The following HMCN1 variants were observed in gnomAD, a reference collection of about 807,000 sequenced individuals.
The protein encoded by HMCN1 is hemicentin-1.
HMCN1 carries 321 observed loss-of-function variants against 625.9 expected under a neutral mutation model. That is an observed-to-expected ratio of 0.51 (90% CI 0.47 to 0.56). The LOEUF is 0.56. HMCN1 is among the 20% of genes least tolerant of loss of function. The pLI is 0.00. For missense variants in HMCN1, 6,588 were observed against 6,887.3 expected (o/e 0.96, Z 1.54); for synonymous variants, 2,425 against 2,417.6 (o/e 1.00, Z -0.09).
At chr1:185,885,161 T>G (rs1344502670) in intron 4 of HMCN1, among the ~76,000 whole-genome samples, 1 of 151,640 alleles carries the variant, frequency 6.6e-6, no homozygotes, top group Non-Finnish European at 1.5e-5. Context: ...GCAAAAGTTA[T>G]TAAAGGAATT....
Position 186,159,166 on chromosome 1 carries a change from C to T in HMCN1, c.15256+5179C>T, listed in dbSNP as rs898063555. On this transcript the variant is annotated intron_variant, in intron 97 of 106. Transcript: ENST00000271588. ...CTTCACATCCCTTGTAAGTTGGATT[C>T]CTAGGTATTTTATTCTCTTTGAAGC... Among the ~76,000 whole-genome samples the T allele has an allele frequency of 1.6e-4, 24 of 151,804 alleles. No homozygotes were observed. In the South Asian group the frequency reaches 1.7e-3, roughly 11 times the overall value.
At chr1:186,072,756 G>A (rs1658552077) in intron 52 of HMCN1, among the ~76,000 whole-genome samples, 2 of 152,222 alleles carry the variant, frequency 1.3e-5, no homozygotes, top group East Asian at 1.9e-4. Flanking sequence ...AGGCATTTGG[G>A]CTGAAGTGCA....
intron 25 of HMCN1, 111 bp from the exon 26 acceptor site, chr1:185,999,934 A>G (rs1044927099): frequency 5.5e-6 from 4 of 731,778 alleles, no homozygotes; most frequent in African/African-American, 5.3e-5. Context: ...ATAGGACCTA[A>G]GGTTATAAAT....
rs755158206 is a variant in HMCN1, at chr1:186,174,495, A to C, written c.15815-19A>C. 9.9e-6 allele frequency: 16 copies of C among 1,613,304 alleles called. No individual in the cohort carries two copies. Among genetic ancestry groups the C allele is most frequent in the Non-Finnish European group, 1.4e-5 (16 of 1,179,550 alleles). ...TTTGAAAGAGGAAATGTTACTTCTC[A>C]TTGCCTCCATGTCTGTAGATATTGA... is the stretch of plus-strand genomic sequence containing the variant. On this transcript the variant is annotated intron_variant, in intron 102 of 106. Coordinates refer to ENST00000271588, the MANE Select transcript of HMCN1 (RefSeq NM_031935.3).
intron 53 of HMCN1, among the ~76,000 whole-genome samples, chr1:186,075,719 C>A (rs1658773020): frequency 6.6e-6 from 1 of 152,022 alleles, no homozygotes; most frequent in South Asian, 2.1e-4. Flanking sequence ...TTTATTTAAC[C>A]AGACTTCTAT....
At chr1:185,999,071 T>C (rs1653000386) in intron 25 of HMCN1, among the ~76,000 whole-genome samples, 1 of 152,028 alleles carries the variant, frequency 6.6e-6, no homozygotes, top group African/African-American at 2.4e-5. Flanking sequence ...TGTTTAAGCC[T>C]TTAACTCAAT....
intron 72 of HMCN1, among the ~76,000 whole-genome samples, chr1:186,113,665 TA>T (rs1327017203): frequency 6.6e-6 from 1 of 152,226 alleles, no homozygotes; most frequent in Non-Finnish European, 1.5e-5. Flanking sequence ...CAAAGAGAAA[TA>T]AGAAATATCA....
At chr1:186,007,397 T>A in intron 30 of HMCN1, 115 bp downstream of exon 30, 2 of 931,842 alleles carry the variant, frequency 2.1e-6, no homozygotes, top group East Asian at 5.0e-5. Flanking sequence ...TACTACATAC[T>A]TCAAGAGAAG....
At chr1:186,148,590 C>T (rs905630912) in intron 93 of HMCN1, among the ~76,000 whole-genome samples, 1 of 152,074 alleles carries the variant, frequency 6.6e-6, no homozygotes. Flanking sequence ...CTCACTGCAA[C>T]CTCTGGCTCC....
intron 20 of HMCN1, among the ~76,000 whole-genome samples, chr1:185,989,005 C>CT (rs569764243): frequency 0.3 from 34,695 of 117,500 alleles, 7,361 homozygotes; most frequent in African/African-American, 0.55. Flanking sequence ...ACTTTTAGTA[C>CT]TTTTTTTTTT....
intron 1 of HMCN1, among the ~76,000 whole-genome samples, chr1:185,837,005 GGT>G (rs60299246): frequency 9.7e-4 from 139 of 142,854 alleles, no homozygotes; most frequent in East Asian, 7.9e-3. Flanking sequence ...TATATTCCAT[GGT>G]GTGTGTGTGT....
chr1:185,967,069 A>G (rs1650457446), intron 14 of HMCN1, among the ~76,000 whole-genome samples: 1 of 152,160 alleles, frequency 6.6e-6, no homozygotes, highest in Non-Finnish European at 1.5e-5. Context: ...TGAATTGCCA[A>G]AGAAATCAGT....
intron 36 of HMCN1, among the ~76,000 whole-genome samples, chr1:186,031,186 G>T (rs781647332): frequency 6.6e-6 from 1 of 151,868 alleles, no homozygotes; most frequent in Non-Finnish European, 1.5e-5. Flanking sequence ...TAGAACAGGG[G>T]TCTAGCAATG....
chr1:185,933,302 A>AT (rs1315115454), intron 10 of HMCN1, among the ~76,000 whole-genome samples: 3 of 152,132 alleles, frequency 2.0e-5, no homozygotes, highest in African/African-American at 7.2e-5. Flanking sequence ...TTTGACTCTC[A>AT]TGTCTATAAT....
chr1:185,879,021 A>T (rs1558034678), intron 4 of HMCN1, among the ~76,000 whole-genome samples: 2 of 152,196 alleles, frequency 1.3e-5, no homozygotes, highest in African/African-American at 4.8e-5. Context: ...TCTTGCAGTT[A>T]TCCAGGCTCA....
At chr1:185,911,611 AT>A in intron 5 of HMCN1, 62 bp from the exon 6 acceptor site, 1 of 1,155,178 alleles carries the variant, frequency 8.7e-7, no homozygotes, top group Non-Finnish European at 1.3e-6. Flanking sequence ...GTAGTGTTAA[AT>A]TAGCTAATAT....
Position 185,888,769 on chromosome 1 carries a change from T to G in HMCN1, c.622-20568T>G, listed in dbSNP as rs1221333603. Among the ~76,000 whole-genome samples, 690 of 145,354 alleles carry G rather than the reference T, an allele frequency of 4.7e-3. 11 individuals carry two copies. The highest frequency in any genetic ancestry group is 0.017 in the African/African-American group (603 of 35,856). ...ATGCCTCCAGCTTTGTTCTTTTGGC[T>G]TAGGATTGACTTGGCGATGCGGGCT... On this transcript the variant is annotated intron_variant, in intron 4 of 106. Transcript: ENST00000271588.
chr1:185,914,383 C>G (rs1315647470), intron 6 of HMCN1, among the ~76,000 whole-genome samples: 1 of 152,086 alleles, frequency 6.6e-6, no homozygotes, highest in African/African-American at 2.4e-5. Context: ...AAGGTCTGCT[C>G]TATCACTGAA....
intron 58 of HMCN1, among the ~76,000 whole-genome samples, chr1:186,086,615 C>G (rs1160176113): frequency 6.6e-6 from 1 of 152,062 alleles, no homozygotes; most frequent in Non-Finnish European, 1.5e-5. Context: ...AACAAGGTCT[C>G]CTTCAAGAAA....
Sources: allele counts gnomAD v4.1 joint callset (sites outside exome capture counted in the v4.1 genomes callset), GRCh38; gene constraint gnomAD v4.1.1; transcripts MANE v1.5; gene names NCBI Gene and HGNC (gene_info 2026-07-23, HGNC 2026-07-21).